PSG4: variants seen among roughly 807,000 people sequenced by gnomAD.
PSG4 encodes the protein pregnancy specific beta-1-glycoprotein 4, also known as pregnancy-specific beta-1-glycoprotein 4.
A neutral mutation model predicts 44.3 loss-of-function variants in PSG4; 61 were observed. That is an observed-to-expected ratio of 1.38 (90% CI 1.12 to 1.70). PSG4 has a LOEUF of 1.70. PSG4 is among the 40% of genes most tolerant of loss of function. PSG4 has a pLI of 0.00. For missense variants in PSG4, 677 were observed against 511.7 expected (o/e 1.32, Z -3.12); for synonymous variants, 248 against 191.3 (o/e 1.30, Z -2.45).
At position 43,205,624 on chromosome 19, in the gene PSG4, T is replaced by G. The variant is rs561832073; in HGVS notation, c.-88A>C. On this transcript the variant is annotated 5_prime_UTR_variant, in exon 1 of 6. Transcript: ENST00000405312. ...GTACGGCTGTCAGCTGTGCTGTCCT[T>G]CCTCCTTCTGTGCTGAGCCTCCTCC... 6.6e-5 allele frequency: 89 copies of G among 1,354,392 alleles called. 7 individuals are homozygous for G. Among genetic ancestry groups the G allele is most frequent in the Middle Eastern group, 5.8e-4 (3 of 5,172 alleles). 83.9% of individuals were successfully genotyped at this position (1,354,392 alleles called of 1,614,324 possible). A position where few individuals can be genotyped will look rare whatever the true frequency, so the allele number is the denominator to read the frequency against.
At chr19:43,204,813 C>A (rs1177429203) in intron 1 of PSG4, 1 of 363,350 alleles carries the variant, frequency 2.8e-6, no homozygotes, top group South Asian at 1.8e-5. Context: ...AGGGTCTCCA[C>A]CCTCTGGATG....
rs1967343914 is a variant in PSG4, at chr19:43,198,242, T to C, written c.464A>G (p.Asn155Ser). 7 of 1,586,984 alleles carry C rather than the reference T, an allele frequency of 4.4e-6. No homozygotes were observed. The highest frequency in any genetic ancestry group is 6.0e-6 in the Non-Finnish European group (7 of 1,171,710). The part of the protein sequence containing the change: ...ETPKPSISSS[N>S]LNPREAMEAV... ...CTCCATGGCCTCCCTGGGATTTAAGTTGCTGCTGGAGATGGAGGGCTTGGG... is the reference window on the plus strand; with the variant it reads ...CTCCATGGCCTCCCTGGGATTTAAGCTGCTGCTGGAGATGGAGGGCTTGGG... The change falls in exon 3 of 6, where the codon AAC becomes AGC. Residue 155 changes from asparagine to serine, a missense_variant. Asn to Ser is a conservative substitution (Grantham distance 46). Transcript: ENST00000405312.
In PSG4 at chr19:43,204,580, A is replaced by G. The variant is rs555927199; in HGVS notation, c.65-329T>C. On this transcript the variant is annotated intron_variant, in intron 1 of 5. Coordinates refer to ENST00000405312, the MANE Select transcript of PSG4 (RefSeq NM_002780.5). ...AGGGCATCCTTAGACTTCTTTCCTGATACCTCCTTCAGAGACCCTGGGTCT... is the reference window on the plus strand; with the variant it reads ...AGGGCATCCTTAGACTTCTTTCCTGGTACCTCCTTCAGAGACCCTGGGTCT... The G allele has an allele frequency of 1.3e-5, 4 of 308,466 alleles. No individual in the cohort carries two copies. In the South Asian group the frequency reaches 1.4e-4, roughly 11 times the overall value. 19.1% of individuals were successfully genotyped at this position (308,466 alleles called of 1,614,324 possible).
chr19:43,194,943 G>A, intron 4 of PSG4, 52 bp downstream of exon 4: 7 of 1,598,146 alleles, frequency 4.4e-6, no homozygotes, highest in Non-Finnish European at 6.0e-6. Flanking sequence ...GGCCTCTGGT[G>A]GTTTGGATTT....
chr19:43,205,305 C>T (rs930353355), intron 1 of PSG4, among the ~76,000 whole-genome samples, 168 bp downstream of exon 1: 6 of 142,838 alleles, frequency 4.2e-5, no homozygotes, highest in Non-Finnish European at 7.5e-5. Context: ...GACAGGGCTT[C>T]ACAGTGTTGG....
At chr19:43,194,782 C>T (rs1453854391) in intron 4 of PSG4, 188 bp from the exon 5 acceptor site, 4 of 1,414,680 alleles carry the variant, frequency 2.8e-6, no homozygotes, top group Admixed American at 2.6e-5. Context: ...TTTTAGGCCC[C>T]AAGTCTCCCA....
rs1477166305 is a variant in PSG4, at chr19:43,204,253, T to C, written c.65-2A>G. 1.5e-5 allele frequency: 24 copies of C among 1,569,598 alleles called. 3 individuals carry two copies. Among genetic ancestry groups the C allele is most frequent in the South Asian group, 2.3e-5 (2 of 86,990 alleles). On this transcript the variant is annotated splice_acceptor_variant, in intron 1 of 5. Coordinates refer to ENST00000405312, the MANE Select transcript of PSG4 (RefSeq NM_002780.5). LOFTEE classifies it high-confidence loss of function. ...GATTCCAGAAGTTTAAAAGTGATGC[T>C]AGGAGGTACAGAGAGCATCAGTTAA...
At chr19:43,193,717 G>C (rs554188731) in intron 5 of PSG4, 1 of 539,196 alleles carries the variant, frequency 1.9e-6, no homozygotes, top group Admixed American at 3.5e-5. Context: ...GCTGACTTCA[G>C]ACTTTGCCTG....
At chr19:43,199,766 C>T (rs1171530405) in intron 2 of PSG4, among the ~76,000 whole-genome samples, 1 of 145,662 alleles carries the variant, frequency 6.9e-6, no homozygotes, top group Non-Finnish European at 1.5e-5. Context: ...TAAGTGGAAA[C>T]TTTTACTGAT....
chr19:43,201,688 G>C (rs1037187505), intron 2 of PSG4, among the ~76,000 whole-genome samples: 2 of 145,400 alleles, frequency 1.4e-5, no homozygotes, highest in South Asian at 2.2e-4. Flanking sequence ...CCCTGAAACT[G>C]TCCTTGAAAA....
At chr19:43,202,865 C>G (rs747434253) in intron 2 of PSG4, among the ~76,000 whole-genome samples, 1 of 144,414 alleles carries the variant, frequency 6.9e-6, no homozygotes, top group Non-Finnish European at 1.5e-5. Context: ...TGCTTGGAAC[C>G]CAGTAAGCCC....
intron 5 of PSG4, chr19:43,194,027 A>C (rs2122284210): frequency 2.0e-6 from 2 of 1,023,764 alleles, no homozygotes; most frequent in East Asian, 2.5e-5. Context: ...AATCTAGAAA[A>C]CAAACCATTT....
chr19:43,204,759 G>C lies in PSG4; in HGVS notation c.65-508C>G, dbSNP rs748932456. 12 of 360,686 alleles carry C rather than the reference G, an allele frequency of 3.3e-5. 1 individual carries two copies. The East Asian group carries it at 2.4e-3, about 72-fold the overall frequency. The allele number at this position is 360,686 out of a possible 1,614,324, so 22.3% of individuals were successfully genotyped here. A position where few individuals can be genotyped will look rare whatever the true frequency, so the allele number is the denominator to read the frequency against. ...CTTTTGTGATCTTGGTTGCACCCCA[G>C]TACCTGGAACAGGCGGCAGACTCCT... On this transcript the variant is annotated intron_variant, in intron 1 of 5. Coordinates refer to ENST00000405312, the MANE Select transcript of PSG4 (RefSeq NM_002780.5).
chr19:43,197,330 G>A (rs1260537232), intron 3 of PSG4, among the ~76,000 whole-genome samples: 1 of 145,482 alleles, frequency 6.9e-6, no homozygotes, highest in Non-Finnish European at 1.5e-5. Flanking sequence ...AATGCTCCAG[G>A]GATCCACTTA....
rs772169818 is a variant in PSG4, at chr19:43,194,324, G to A, written c.1243+16C>T. ...CACCTAAATCCCTATTGCCAAGGATGCTGGGATCCACTTACCAGAGACTTT... is the reference window on the plus strand; with the variant it reads ...CACCTAAATCCCTATTGCCAAGGATACTGGGATCCACTTACCAGAGACTTT... On this transcript the variant is annotated intron_variant, in intron 5 of 5. Transcript: ENST00000405312. 1.9e-6 allele frequency: 3 copies of A among 1,612,102 alleles called. No homozygotes were observed. The East Asian group carries it at 6.7e-5, about 36-fold the overall frequency.
chr19:43,204,306 AG>A, intron 1 of PSG4, 55 bp from the exon 2 acceptor site: 1 of 1,493,684 alleles, frequency 6.7e-7, no homozygotes, highest in Non-Finnish European at 9.0e-7. Context: ...TGGGGTGAAA[AG>A]ATGGGTCCTG....
In PSG4 at chr19:43,195,584, A is replaced by G. The variant is rs185104518; in HGVS notation, c.710-311T>C. Among the ~76,000 whole-genome samples, 1,122 of 151,334 alleles carry G rather than the reference A, an allele frequency of 7.4e-3. 21 individuals carry two copies. Among genetic ancestry groups the G allele is most frequent in the South Asian group, 0.017 (81 of 4,788 alleles). ...CTCCCAGTCCCTCCCTAATCAGTTA[A>G]CTTGCTGGCTCACCTTGGGTTCCTT... On this transcript the variant is annotated intron_variant, in intron 3 of 5. Transcript: ENST00000405312.
chr19:43,203,758 C>T, intron 2 of PSG4, 128 bp downstream of exon 2: 4 of 1,462,542 alleles, frequency 2.7e-6, no homozygotes, highest in East Asian at 2.9e-5. Flanking sequence ...GCACTAAATG[C>T]CCAAACCCCA....
At position 43,198,333 on chromosome 19, in the gene PSG4, C is replaced by G; in HGVS notation, c.431-58G>C. ...GTGGCATCTTTGATTCTTCCAAAGGCATTTTTCAATCAGAGTTGGCATTTC... is the reference window on the plus strand; with the variant it reads ...GTGGCATCTTTGATTCTTCCAAAGGGATTTTTCAATCAGAGTTGGCATTTC... On this transcript the variant is annotated intron_variant, in intron 2 of 5. Transcript: ENST00000405312. 1.3e-6 allele frequency: 2 copies of G among 1,542,574 alleles called. 1 individual carries two copies. The highest frequency in any genetic ancestry group is 2.4e-5 in the South Asian group (2 of 82,608).
Sources: gnomAD v4.1 joint callset for allele counts (sites outside exome capture counted in the v4.1 genomes callset) on GRCh38, gnomAD v4.1.1 for gene constraint, MANE v1.5 for transcripts, NCBI Gene and HGNC (gene_info 2026-07-23, HGNC 2026-07-21) for gene names.